Variants in BMP2K observed in about 807,000 individuals in gnomAD.
The protein encoded by BMP2K is BMP-2-inducible protein kinase.
BMP2K carries 74 observed loss-of-function variants against 116.0 expected under a neutral mutation model. That is an observed-to-expected ratio of 0.64 (90% CI 0.53 to 0.77). BMP2K has a LOEUF of 0.77. BMP2K is among the 30% of genes least tolerant of loss of function. The pLI is 0.00. For missense variants in BMP2K, 1,365 were observed against 1,403.6 expected (o/e 0.97, Z 0.44); for synonymous variants, 486 against 502.5 (o/e 0.97, Z 0.44).
intron 15 of BMP2K, among the ~76,000 whole-genome samples, chr4:78,898,637 G>A (rs1191720790): frequency 6.7e-6 from 1 of 148,154 alleles, no homozygotes; most frequent in Non-Finnish European, 1.5e-5. Flanking sequence ...TCCATTGGGC[G>A]ACAGAGCGAG....
At chr4:78,799,272 A>C (rs1017799255) in intron 1 of BMP2K, among the ~76,000 whole-genome samples, 1 of 151,218 alleles carries the variant, frequency 6.6e-6, no homozygotes, top group Middle Eastern at 3.4e-3. Flanking sequence ...TTTTTTTTTG[A>C]GAATATCATG....
At position 78,913,272 on chromosome 4, in the gene BMP2K, A is replaced by G. The variant is rs1157390298; in HGVS notation, c.*1239A>G. ...AGATCCTAAAATGCATATAAGGTGG[A>G]CTAGCATCTTAATTCTGCTAGTTGA... On this transcript the variant is annotated 3_prime_UTR_variant, in exon 16 of 16. Transcript: ENST00000502613. 1.3e-5 allele frequency: 2 copies of G among 152,138 alleles called. No individual in the cohort carries two copies. Among genetic ancestry groups the G allele is most frequent in the African/African-American group, 4.8e-5 (2 of 41,434 alleles). The allele number at this position is 152,138 out of a possible 1,614,324, so 9.4% of individuals were successfully genotyped here. A position where few individuals can be genotyped will look rare whatever the true frequency, so the allele number is the denominator to read the frequency against.
intron 4 of BMP2K, 26 bp downstream of exon 4, chr4:78,842,553 T>G: frequency 1.3e-6 from 2 of 1,529,750 alleles, no homozygotes; most frequent in African/African-American, 2.7e-5. Flanking sequence ...TTCCTATGGA[T>G]TAAGTAATAA....
At chr4:78,814,613 G>T (rs764550194) in intron 1 of BMP2K, among the ~76,000 whole-genome samples, 18 of 152,128 alleles carry the variant, frequency 1.2e-4, no homozygotes, top group Non-Finnish European at 2.2e-4. Context: ...GAAGAAGGAC[G>T]TGTTTGCTTC....
intron 15 of BMP2K, among the ~76,000 whole-genome samples, chr4:78,891,444 T>C (rs1469212198): frequency 1.3e-5 from 2 of 152,222 alleles, no homozygotes; most frequent in East Asian, 1.9e-4. Context: ...TTGCTGTATA[T>C]GCTTTGGTAA....
chr4:78,848,546 A>T (rs1012062788), intron 6 of BMP2K, among the ~76,000 whole-genome samples: 1 of 151,570 alleles, frequency 6.6e-6, no homozygotes, highest in Non-Finnish European at 1.5e-5. Context: ...AACAATAGGC[A>T]TCATACTTTT....
intron 15 of BMP2K, among the ~76,000 whole-genome samples, chr4:78,890,590 T>A (rs1290455786): frequency 6.6e-6 from 1 of 152,228 alleles, no homozygotes; most frequent in Non-Finnish European, 1.5e-5. Context: ...TTAATTACTG[T>A]GTTTATAATC....
intron 1 of BMP2K, among the ~76,000 whole-genome samples, chr4:78,814,718 G>T (rs1178929715): frequency 6.6e-6 from 1 of 151,698 alleles, no homozygotes; most frequent in Non-Finnish European, 1.5e-5. Context: ...CCCAGCCTTG[G>T]GTATGTCTTT....
At chr4:78,904,499 C>A (rs1384644461) in intron 15 of BMP2K, among the ~76,000 whole-genome samples, 1 of 151,912 alleles carries the variant, frequency 6.6e-6, no homozygotes, top group African/African-American at 2.4e-5. Flanking sequence ...ACAAGCCACA[C>A]AAGATAATTT....
chr4:78,872,614 A>G lies in BMP2K; in HGVS notation c.1609A>G (p.Met537Val), dbSNP rs762101779. The G allele has an allele frequency of 6.2e-7, 1 of 1,613,346 alleles. No homozygotes were observed. The highest frequency in any genetic ancestry group is 1.1e-5 in the South Asian group (1 of 91,044). The change falls in exon 13 of 16, where the codon ATG (methionine) becomes GTG (valine). Residue 537 changes from methionine (M) to valine (V), a missense_variant and splice_region_variant. Coordinates refer to ENST00000502613, the MANE Select transcript of BMP2K (RefSeq NM_198892.2). ...TGTATAATATCATTTCTTTTTTCAG[A>G]TGCCGCAGTATCAGCAGGCTTTCTT... Reference protein sequence around the residue: ...QPSASQYPTMMPQYQQAFFQQ... With the variant: ...QPSASQYPTMVPQYQQAFFQQ...
intron 1 of BMP2K, among the ~76,000 whole-genome samples, chr4:78,821,284 A>T (rs4550959): frequency 6.6e-6 from 1 of 152,052 alleles, no homozygotes; most frequent in African/African-American, 2.4e-5. Context: ...TCTTGACTTG[A>T]GGCTTCACTT....
chr4:78,802,040 T>A (rs904882115), intron 1 of BMP2K, among the ~76,000 whole-genome samples: 4 of 152,244 alleles, frequency 2.6e-5, no homozygotes, highest in African/African-American at 9.6e-5. Flanking sequence ...CATTTTTTGT[T>A]AGCTTGAGAA....
chr4:78,864,380 TAC>T lies in BMP2K; in HGVS notation c.1068-1175_1068-1174del, dbSNP rs1218658774. Reference sequence around the variant, plus strand: ...ATCATTAAAACAAGATATAATTGATTACATATATATATACACCGATATATATA... The same window carrying T: ...ATCATTAAAACAAGATATAATTGATTATATATATATACACCGATATATATA... On this transcript the variant is annotated intron_variant, in intron 9 of 15. Transcript: ENST00000502613. 2.0e-5 allele frequency among the ~76,000 whole-genome samples: 3 copies of T among 151,682 alleles called. No individual in the cohort carries two copies. In the East Asian group the frequency reaches 5.8e-4, roughly 29 times the overall value.
intron 1 of BMP2K, among the ~76,000 whole-genome samples, chr4:78,807,721 A>G (rs187562878): frequency 6.6e-5 from 10 of 150,920 alleles, no homozygotes; most frequent in Admixed American, 5.3e-4. Flanking sequence ...TATTAACCCT[A>G]TAATTGCCTT....
chr4:78,863,919 A>G (rs1731919451), intron 9 of BMP2K, among the ~76,000 whole-genome samples: 1 of 152,162 alleles, frequency 6.6e-6, no homozygotes, highest in Admixed American at 6.5e-5. Context: ...TAAATTCTTG[A>G]CAGCACTAGC....
At chr4:78,884,355 A>G (rs1480631830) in intron 14 of BMP2K, among the ~76,000 whole-genome samples, 1 of 152,020 alleles carries the variant, frequency 6.6e-6, no homozygotes, top group Non-Finnish European at 1.5e-5. Context: ...AACAAAAAAA[A>G]CCAGTATATA....
chr4:78,826,749 A>T (rs563504228), intron 2 of BMP2K, among the ~76,000 whole-genome samples: 2 of 152,208 alleles, frequency 1.3e-5, no homozygotes, highest in South Asian at 4.1e-4. Flanking sequence ...CATCCTGTAT[A>T]CTTTAAAGCT....
chr4:78,844,662 C>CT, intron 4 of BMP2K, among the ~76,000 whole-genome samples: 1 of 151,538 alleles, frequency 6.6e-6, no homozygotes, highest in Non-Finnish European at 1.5e-5. Flanking sequence ...GTAAGAGAAG[C>CT]AGTAGACATA....
chr4:78,852,410 C>T (rs1731299587), intron 7 of BMP2K, among the ~76,000 whole-genome samples: 1 of 152,004 alleles, frequency 6.6e-6, no homozygotes, highest in South Asian at 2.1e-4. Flanking sequence ...GTTGAAAAAA[C>T]ATAAAAGCAT....
Sources: gnomAD v4.1 joint callset for allele counts (sites outside exome capture counted in the v4.1 genomes callset) on GRCh38, gnomAD v4.1.1 for gene constraint, MANE v1.5 for transcripts, NCBI Gene and HGNC (gene_info 2026-07-23, HGNC 2026-07-21) for gene names.